Variants in TOP1MT observed in about 807,000 individuals in gnomAD.
The protein encoded by TOP1MT is DNA topoisomerase I, mitochondrial.
Under a neutral mutation model 73.9 loss-of-function variants are expected in TOP1MT, and 80 were observed. The observed-to-expected ratio is 1.08, with a 90% CI of 0.90 to 1.30. The LOEUF is 1.30. Among genes scored for constraint, TOP1MT ranks in the 50% most tolerant of loss-of-function variants. The probability of loss-of-function intolerance (pLI) is 0.00; values close to 1 mark genes in which losing one functional copy is unlikely to be tolerated. For missense variants in TOP1MT, 815 were observed against 808.0 expected, an observed-to-expected ratio of 1.01 and a Z score of -0.10; for synonymous variants, 338 against 326.4, an observed-to-expected ratio of 1.04 and a Z score of -0.38.
chr8:143,322,224 ACGC>A (rs1169567992), intron 7 of TOP1MT, among the ~76,000 whole-genome samples: 3 of 65,370 alleles, frequency 4.6e-5, no homozygotes, highest in Non-Finnish European at 8.4e-5. Context: ...ACACACAGGC[ACGC>A]CACACACATG....
intron 7 of TOP1MT, among the ~76,000 whole-genome samples, chr8:143,323,243 A>ACACATGCACGC: frequency 8.5e-6 from 1 of 117,874 alleles, no homozygotes; most frequent in African/African-American, 3.4e-5. Context: ...GGCACGCCAC[A>ACACATGCACGC]CACACAGGCA....
At chr8:143,351,850 G>A (rs192172922) in intron 1 of TOP1MT, among the ~76,000 whole-genome samples, 2 of 152,118 alleles carry the variant, frequency 1.3e-5, no homozygotes, top group African/African-American at 4.8e-5. Flanking sequence ...TCGGGAGGCC[G>A]AGGCGGGTGG....
At chr8:143,334,991 G>A (rs918311601), upstream of TOP1MT, 15 of 1,001,448 alleles carry the variant, frequency 1.5e-5, no homozygotes, top group South Asian at 2.6e-4. Flanking sequence ...AAGGCTGGGC[G>A]GTCTAAGCCT....
At chr8:143,331,166 A>G in intron 2 of TOP1MT, 58 bp downstream of exon 2, 1 of 1,384,208 alleles carries the variant, frequency 7.2e-7, no homozygotes, top group South Asian at 1.3e-5. Flanking sequence ...GCCCACTGGG[A>G]GCCCACGCCC....
At chr8:143,314,011 C>T (rs1296372524) in intron 12 of TOP1MT, among the ~76,000 whole-genome samples, 1 of 152,166 alleles carries the variant, frequency 6.6e-6, no homozygotes, top group African/African-American at 2.4e-5. Flanking sequence ...AAGTGGGCAA[C>T]AAGCACCTGC....
Position 143,328,582 on chromosome 8 carries a change from G to A in TOP1MT, c.360+768C>T, listed in dbSNP as rs192946539. Among the ~76,000 whole-genome samples the A allele has an allele frequency of 9.5e-3, 1,440 of 152,356 alleles. 12 individuals are homozygous for A. Among genetic ancestry groups the A allele is most frequent in the Non-Finnish European group, 0.012 (836 of 68,040 alleles). ...GGTGTTGCTAGTAAGCTGGACACAC[G>A]TGACCCAGCAATTTCACCCCAAGTC... is the stretch of plus-strand genomic sequence containing the variant. On this transcript the variant is annotated intron_variant, in intron 3 of 13. Coordinates refer to ENST00000329245, the MANE Select transcript of TOP1MT (RefSeq NM_052963.3).
chr8:143,328,774 A>C (rs35643226), intron 3 of TOP1MT, among the ~76,000 whole-genome samples: 58,490 of 152,216 alleles, frequency 0.38, 13,910 homozygotes, highest in East Asian at 0.67. Context: ...CAGAGCCAGG[A>C]AGATGCTGCG....
chr8:143,321,170 T>G (rs758519685), intron 8 of TOP1MT, 31 bp downstream of exon 8: 1 of 1,538,612 alleles, frequency 6.5e-7, no homozygotes, highest in South Asian at 1.2e-5. Context: ...ACGTGTCACA[T>G]AGCGGGGGCA....
intron 8 of TOP1MT, among the ~76,000 whole-genome samples, chr8:143,320,757 A>T (rs147584947): frequency 5.2e-4 from 79 of 152,328 alleles, no homozygotes; most frequent in African/African-American, 1.8e-3. Flanking sequence ...GGCCAAGGAC[A>T]CGCAGGATCC....
chr8:143,359,788 C>T (rs1028448473), upstream of TOP1MT: 3 of 152,424 alleles, frequency 2.0e-5, no homozygotes, highest in South Asian at 6.2e-4. Context: ...AACAGCGCGA[C>T]CTGGGTCACC....
At chr8:143,319,275 G>A (rs746155294) in intron 8 of TOP1MT, among the ~76,000 whole-genome samples, 1 of 148,472 alleles carries the variant, frequency 6.7e-6, no homozygotes, top group Non-Finnish European at 1.5e-5. Flanking sequence ...CCCACGGTTG[G>A]GTCACATTAA....
At chr8:143,322,139 CAG>C (rs201775090) in intron 7 of TOP1MT, among the ~76,000 whole-genome samples, 9 of 84,048 alleles carry the variant, frequency 1.1e-4, no homozygotes, top group Non-Finnish European at 1.9e-4. Context: ...GCACGCCACA[CAG>C]GCACGCCACA....
intron 7 of TOP1MT, 85 bp from the exon 8 acceptor site, chr8:143,321,471 C>CAT (rs143069065): frequency 4.2e-5 from 36 of 851,412 alleles, no homozygotes; most frequent in Admixed American, 3.0e-4. Flanking sequence ...ACGCCACACA[C>CAT]GCACGCCACA....
chr8:143,328,836 G>A (rs1330614337), intron 3 of TOP1MT, among the ~76,000 whole-genome samples: 4 of 152,220 alleles, frequency 2.6e-5, no homozygotes, highest in South Asian at 4.1e-4. Context: ...CAGAAACCCC[G>A]GAGGGCACAG....
chr8:143,358,364 G>A (rs948665785), upstream of TOP1MT, among the ~76,000 whole-genome samples: 2 of 152,058 alleles, frequency 1.3e-5, no homozygotes, highest in South Asian at 2.1e-4. Context: ...GTGACATCAC[G>A]CCCCTCCCAT....
upstream of TOP1MT, among the ~76,000 whole-genome samples, chr8:143,337,714 T>C (rs1217294488): frequency 1.3e-5 from 2 of 152,192 alleles, no homozygotes; most frequent in Admixed American, 1.3e-4. Context: ...ACCTCTCATA[T>C]TGTCTTCTGC....
Position 143,329,409 on chromosome 8 carries a change from C to T in TOP1MT, c.301G>A (p.Asp101Asn), listed in dbSNP as rs1315054106. The stretch of plus-strand genomic sequence containing the variant: ...ACCTCCTTTGTTGTGTATTCATGAT[C>T]TAACATCCTCCCATAAAAAGTGGCG... The part of the protein sequence containing the change: ...EVATFYGRML[D>N]HEYTTKEVFR... Residue 101 changes from aspartate (D) to asparagine (N), a missense_variant, in exon 3 of 14, where the codon GAT becomes AAT. Asp to Asn is a conservative substitution (Grantham distance 23). Coordinates refer to ENST00000329245, the MANE Select transcript of TOP1MT (RefSeq NM_052963.3). 2 of 1,610,218 alleles carry T rather than the reference C, an allele frequency of 1.2e-6. No homozygotes were observed. Among genetic ancestry groups the T allele is most frequent in the Non-Finnish European group, 1.7e-6 (2 of 1,178,998 alleles).
intron 1 of TOP1MT, among the ~76,000 whole-genome samples, chr8:143,352,043 T>G (rs1322416645): frequency 3.3e-5 from 5 of 152,228 alleles, no homozygotes; most frequent in African/African-American, 4.8e-5. Context: ...GATTGTGCCA[T>G]TGCACTGCAG....
intron 1 of TOP1MT, among the ~76,000 whole-genome samples, chr8:143,354,132 T>A (rs913362482): frequency 6.6e-6 from 1 of 151,954 alleles, no homozygotes; most frequent in Non-Finnish European, 1.5e-5. Flanking sequence ...TTATTCACAA[T>A]AGCCCTACGG....
Sources: allele counts gnomAD v4.1 joint callset (sites outside exome capture counted in the v4.1 genomes callset), GRCh38; gene constraint gnomAD v4.1.1; transcripts MANE v1.5; gene names NCBI Gene and HGNC (gene_info 2026-07-23, HGNC 2026-07-21).